The following EOMES variants were observed in gnomAD, a reference collection of about 807,000 sequenced individuals.
EOMES encodes the protein eomesodermin, also known as eomesodermin homolog.
EOMES carries 18 observed loss-of-function variants against 61.0 expected under a neutral mutation model. The observed-to-expected ratio is 0.30, with a 90% CI of 0.20 to 0.44. The LOEUF (loss-of-function observed/expected upper bound fraction) is 0.44, where lower values mean the gene tolerates loss of function less well. EOMES is among the 20% of genes least tolerant of loss of function. The pLI, the probability that EOMES is intolerant of heterozygous loss-of-function variation, is 1.00. For synonymous variants in EOMES, 430 were observed against 394.0 expected (o/e 1.09, Z -1.08); for missense variants, 885 against 939.2 (o/e 0.94, Z 0.75).
intron 2 of EOMES, 99 bp downstream of exon 2, chr3:27,720,072 G>GA (rs889117767): frequency 7.6e-4 from 901 of 1,184,842 alleles, no homozygotes; most frequent in South Asian, 1.3e-3. Context: ...AATGGAAGGG[G>GA]AAAAAAAAAG....
intron 3 of EOMES, 127 bp from the exon 4 acceptor site, chr3:27,719,020 T>G: frequency 2.7e-6 from 2 of 735,586 alleles, no homozygotes; most frequent in East Asian, 5.4e-5. Flanking sequence ...CAGCTTTGTT[T>G]ATTGCAAGTT....
In EOMES at chr3:27,722,168, G is replaced by T; in HGVS notation, c.127C>A (p.Pro43Thr). ...AGHLPSAAPS[P>T]QKLDLDKASK... ...GCTTTGTCTAAGTCCAACTTCTGAG[G>T]AGAGGGGGCCGCGCTGGGGAGGTGG... The change falls in exon 1 of 6, where the codon CCT (proline) becomes ACT (threonine). Residue 43 changes from proline to threonine, a missense_variant. Around this residue, in one of 3 missense-constraint regions of EOMES, gnomAD observed 449 missense variants for 383.6 expected, o/e 1.17. Coordinates refer to ENST00000449599, the MANE Select transcript of EOMES (RefSeq NM_001278182.2). The T allele has an allele frequency of 6.3e-7, 1 of 1,586,488 alleles. No individual in the cohort carries two copies. The highest frequency in any genetic ancestry group is 8.6e-7 in the Non-Finnish European group (1 of 1,167,572).
upstream of EOMES, chr3:27,722,701 A>C: frequency 1.0e-6 from 1 of 1,004,892 alleles, no homozygotes; most frequent in Non-Finnish European, 1.2e-6. Context: ...GGTCAAGTTG[A>C]CCACTTGGAA....
chr3:27,722,620 T>C, upstream of EOMES: 1 of 1,133,734 alleles, frequency 8.8e-7, no homozygotes, highest in African/African-American at 1.6e-5. Flanking sequence ...TGGAAGAAGG[T>C]GACTTAGATC....
Position 27,717,417 on chromosome 3 carries a change from T to A in EOMES, c.1771A>T (p.Met591Leu). The A allele has an allele frequency of 6.2e-7, 1 of 1,614,194 alleles. No individual in the cohort carries two copies. Among genetic ancestry groups the A allele is most frequent in the East Asian group, 2.2e-5 (1 of 44,894 alleles). ...GYYPDPTFPA[M>L]AGWGGRGSYQ... ...GAACCTCGACCTCCCCACCCTGCCA[T>A]TGCAGGAAAGGTTGGGTCTGGGTAA... Residue 591 changes from methionine to leucine, a missense_variant, in exon 6 of 6, where the codon ATG (methionine) becomes TTG (leucine). Transcript: ENST00000449599. The surrounding 1 kb of genome is among the most constrained non-coding windows in gnomAD (Gnocchi z 4.5).
upstream of EOMES, chr3:27,722,364 G>C (rs897528756): frequency 1.5e-5 from 21 of 1,399,168 alleles, no homozygotes; most frequent in African/African-American, 3.0e-4. Context: ...AGGCAGGATG[G>C]GGGAGCCAGC....
intron 1 of EOMES, 30 bp from the exon 2 acceptor site, chr3:27,720,355 G>T (rs745658469): frequency 2.2e-5 from 35 of 1,607,162 alleles, no homozygotes; most frequent in Non-Finnish European, 3.0e-5. Flanking sequence ...CAGAAAAATC[G>T]ATTTTAATTG....
Position 27,717,800 on chromosome 3 carries a change from G to GT in EOMES, c.1387dup (p.Thr463AsnfsTer6). The GT allele has an allele frequency of 6.2e-7, 1 of 1,600,924 alleles. No homozygotes were observed. Among genetic ancestry groups the GT allele is most frequent in the Non-Finnish European group, 8.5e-7 (1 of 1,171,070 alleles). ...AGTTAACCTGTCATTTTCTGAAGCGGTGTACATGCTACAATATAAAGAGAA... is the reference window on the plus strand; with the variant it reads ...AGTTAACCTGTCATTTTCTGAAGCGGTTGTACATGCTACAATATAAAGAGAA... On this transcript the variant is annotated frameshift_variant, in exon 6 of 6. Coordinates refer to ENST00000449599, the MANE Select transcript of EOMES (RefSeq NM_001278182.2). LOFTEE classifies it high-confidence loss of function. The surrounding 1 kb of genome is among the most constrained non-coding windows in gnomAD (Gnocchi z 4.5).
chr3:27,722,208 G>T lies in EOMES; in HGVS notation c.87C>A (p.Ser29Arg), dbSNP rs2060621998. The change falls in exon 1 of 6, where the codon AGC (serine) becomes AGA (arginine). Residue 29 changes from serine (S) to arginine (R), a missense_variant. Around this residue, in one of 3 missense-constraint regions of EOMES, gnomAD observed 449 missense variants for 383.6 expected, o/e 1.17. Transcript: ENST00000449599. Reference protein sequence around the residue: ...FYPLESARGGSGGSAGHLPSA... With the variant: ...FYPLESARGGRGGSAGHLPSA... ...TGGGGAGGTGGCCAGCGCTCCCGCC[G>T]CTGCCGCCTCGCGCACTCTCCAGCG... is the stretch of plus-strand genomic sequence containing the variant. 1.2e-6 allele frequency: 2 copies of T among 1,604,592 alleles called. No individual in the cohort carries two copies. The highest frequency in any genetic ancestry group is 1.1e-5 in the South Asian group (1 of 89,674).
At chr3:27,719,108 CTTTCCTCTTGG>C (rs1236265121) in intron 3 of EOMES, among the ~76,000 whole-genome samples, 32 of 150,648 alleles carry the variant, frequency 2.1e-4, no homozygotes, top group African/African-American at 7.9e-4. Flanking sequence ...GATAGATATG[CTTTCCTCTTGG>C]TTTCCTAAAT....
At chr3:27,718,364 A>T (rs1428402293) in intron 5 of EOMES, among the ~76,000 whole-genome samples, 1 of 152,196 alleles carries the variant, frequency 6.6e-6, no homozygotes, top group Non-Finnish European at 1.5e-5. Flanking sequence ...TGCTAAAAAA[A>T]CCTCTTCATT....
chr3:27,717,932 G>A lies in EOMES; in HGVS notation c.1380-124C>T. 2 of 707,670 alleles carry A rather than the reference G, an allele frequency of 2.8e-6. No homozygotes were observed. Among genetic ancestry groups the A allele is most frequent in the Non-Finnish European group, 4.5e-6 (2 of 448,152 alleles). 43.8% of individuals were successfully genotyped at this position (707,670 alleles called of 1,614,324 possible). Reference sequence around the variant, plus strand: ...CTACACCGAAAGTGCTGGTCTGTTGGGCTGAAAGAACAGAGGCAGGAGATG... The same window carrying A: ...CTACACCGAAAGTGCTGGTCTGTTGAGCTGAAAGAACAGAGGCAGGAGATG... On this transcript the variant is annotated intron_variant, in intron 5 of 5. Coordinates refer to ENST00000449599, the MANE Select transcript of EOMES (RefSeq NM_001278182.2). The surrounding 1 kb of genome is among the most constrained non-coding windows in gnomAD (Gnocchi z 4.5).
At position 27,721,949 on chromosome 3, in the gene EOMES, A is replaced by C. The variant is rs2060618959; in HGVS notation, c.346T>G (p.Ser116Ala). 1 of 1,382,548 alleles carries C rather than the reference A, an allele frequency of 7.2e-7. No individual in the cohort carries two copies. The highest frequency in any genetic ancestry group is 1.9e-5 in the South Asian group (1 of 53,370). The allele number at this position is 1,382,548 out of a possible 1,614,324, so 85.6% of individuals were successfully genotyped here. Residue 116 changes from serine (S) to alanine (A), a missense_variant, in exon 1 of 6, where the codon TCC becomes GCC. By Grantham distance (99) the Ser-to-Ala change is moderately conservative. Transcript: ENST00000449599. The surrounding 1 kb of genome is among the most constrained non-coding windows in gnomAD (Gnocchi z 7.4). ...GCGGCGGCGGCGGCTGCAGCGGCGG[A>C]GGGCAGCTCCTCCTCCCCGCAGGGG... ...GSPCGEEELP[S>A]AAAAAAAAAA...
At position 27,718,810 on chromosome 3, in the gene EOMES, A is replaced by T; in HGVS notation, c.1242T>A (p.Asn414Lys). 3.7e-6 allele frequency: 6 copies of T among 1,613,946 alleles called. No individual in the cohort carries two copies. Among genetic ancestry groups the T allele is most frequent in the Non-Finnish European group, 5.1e-6 (6 of 1,179,784 alleles). ...TAAAAGTCTGGGTCTTTGAGGGCTC[A>T]TTCAAGTCCTCCACGCCATCCTCTG... The part of the protein sequence containing the change: ...EVTEDGVEDL[N>K]EPSKTQTFTF... Residue 414 changes from asparagine to lysine, a missense_variant, in exon 4 of 6, where the codon AAT becomes AAA. Asn to Lys is a moderately conservative substitution (Grantham distance 94, BLOSUM62 0). Transcript: ENST00000449599.
Position 27,721,958 on chromosome 3 carries a change from C to G in EOMES, c.337G>C (p.Glu113Gln). ...GCGGCTGCAGCGGCGGAGGGCAGCT[C>G]CTCCTCCCCGCAGGGGGAGCCCTTG... ...GRKGSPCGEEELPSAAAAAAA... is the reference protein window; with the variant it reads ...GRKGSPCGEEQLPSAAAAAAA... Residue 113 changes from glutamate to glutamine, a missense_variant, in exon 1 of 6, where the codon GAG (glutamate) becomes CAG (glutamine). By Grantham distance (29) the Glu-to-Gln change is conservative. Around this residue, in one of 3 missense-constraint regions of EOMES, gnomAD observed 449 missense variants for 383.6 expected, o/e 1.17. Transcript: ENST00000449599. The surrounding 1 kb of genome is among the most constrained non-coding windows in gnomAD (Gnocchi z 7.4). 1 of 1,423,506 alleles carries G rather than the reference C, an allele frequency of 7.0e-7. No individual in the cohort carries two copies. The highest frequency in any genetic ancestry group is 9.1e-7 in the Non-Finnish European group (1 of 1,099,302). 88.2% of individuals were successfully genotyped at this position (1,423,506 alleles called of 1,614,324 possible). A position where few individuals can be genotyped will look rare whatever the true frequency, so the allele number is the denominator to read the frequency against.
At chr3:27,720,596 C>T (rs937872200) in intron 1 of EOMES, among the ~76,000 whole-genome samples, 1 of 138,832 alleles carries the variant, frequency 7.2e-6, no homozygotes. Flanking sequence ...CGGTATATTC[C>T]AAATTCGCGC....
chr3:27,722,182 C>G lies in EOMES; in HGVS notation c.113G>C (p.Ser38Thr), dbSNP rs1483399480. The change falls in exon 1 of 6, where the codon AGC (serine) becomes ACC (threonine). Residue 38 changes from serine (S) to threonine (T), a missense_variant. Coordinates refer to ENST00000449599, the MANE Select transcript of EOMES (RefSeq NM_001278182.2). Reference sequence around the variant, plus strand: ...CAACTTCTGAGGAGAGGGGGCCGCGCTGGGGAGGTGGCCAGCGCTCCCGCC... The same window carrying G: ...CAACTTCTGAGGAGAGGGGGCCGCGGTGGGGAGGTGGCCAGCGCTCCCGCC... ...GSGGSAGHLP[S>T]AAPSPQKLDL... 1.9e-6 allele frequency: 3 copies of G among 1,595,776 alleles called. No homozygotes were observed. In the East Asian group the frequency reaches 6.8e-5, roughly 36 times the overall value.
At chr3:27,722,459 A>T, upstream of EOMES, 1 of 1,363,904 alleles carries the variant, frequency 7.3e-7, no homozygotes, top group Non-Finnish European at 9.4e-7. Flanking sequence ...TACTGCGCGT[A>T]CTGGCGCGCC....
At position 27,718,816 on chromosome 3, in the gene EOMES, G is replaced by C; in HGVS notation, c.1236C>G (p.Asp412Glu). Reference protein sequence around the residue: ...IVEVTEDGVEDLNEPSKTQTF... With the variant: ...IVEVTEDGVEELNEPSKTQTF... ...TCTGGGTCTTTGAGGGCTCATTCAA[G>C]TCCTCCACGCCATCCTCTGTAACTT... Residue 412 changes from aspartate (D) to glutamate (E), a missense_variant, in exon 4 of 6, where the codon GAC becomes GAG. Around this residue, in one of 3 missense-constraint regions of EOMES, gnomAD observed 177 missense variants for 273.3 expected, o/e 0.65. Coordinates refer to ENST00000449599, the MANE Select transcript of EOMES (RefSeq NM_001278182.2). 6.2e-7 allele frequency: 1 copy of C among 1,614,122 alleles called. No individual in the cohort carries two copies. The highest frequency in any genetic ancestry group is 2.2e-5 in the East Asian group (1 of 44,888).
Sources: gnomAD v4.1 joint callset for allele counts (sites outside exome capture counted in the v4.1 genomes callset) on GRCh38, gnomAD v4.1.1 for gene constraint, gnomAD v4.1.1 regional missense constraint, Gnocchi (gnomAD v3.1) non-coding constraint, MANE v1.5 for transcripts, NCBI Gene and HGNC (gene_info 2026-07-23, HGNC 2026-07-21) for gene names.